NPAS2: variants seen among roughly 807,000 people sequenced by gnomAD.
NPAS2 encodes the protein neuronal PAS domain-containing protein 2.
In NPAS2, 23 loss-of-function variants were observed where a neutral mutation model predicts 107.5. The observed-to-expected ratio is 0.21, with a 90% CI of 0.15 to 0.30. The LOEUF (loss-of-function observed/expected upper bound fraction) is 0.30, where lower values mean the gene tolerates loss of function less well. Among genes scored for constraint, NPAS2 ranks in the 10% least tolerant of loss-of-function variants. The probability of loss-of-function intolerance (pLI) is 1.00; values close to 1 mark genes in which losing one functional copy is unlikely to be tolerated. For synonymous variants in NPAS2, 403 were observed against 417.5 expected (o/e 0.97, Z 0.42); for missense variants, 756 against 1,043.3 (o/e 0.72, Z 3.79).
chr2:100,826,851 A>C (rs569247796), intron 1 of NPAS2, among the ~76,000 whole-genome samples: 1 of 152,150 alleles, frequency 6.6e-6, no homozygotes, highest in Non-Finnish European at 1.5e-5. Flanking sequence ...CTAACACAAG[A>C]TATTTTCCAG....
chr2:100,904,593 G>A, intron 1 of NPAS2, 140 bp from the exon 2 acceptor site: 1 of 639,758 alleles, frequency 1.6e-6, no homozygotes. Flanking sequence ...TTTTGAGAGT[G>A]TAAAGGGGTG....
intron 2 of NPAS2, among the ~76,000 whole-genome samples, chr2:100,908,499 C>G (rs1682313162): frequency 6.6e-6 from 1 of 152,178 alleles, no homozygotes; most frequent in Non-Finnish European, 1.5e-5. Context: ...GGGCTCCTAA[C>G]AGCGTCTGTG....
rs1287858766 is a variant in NPAS2, at chr2:100,948,227, T to A, written c.364-8T>A. 2 of 1,610,882 alleles carry A rather than the reference T, an allele frequency of 1.2e-6. No homozygotes were observed. The highest frequency in any genetic ancestry group is 3.4e-5 in the Admixed American group (2 of 59,294). On this transcript the variant is annotated splice_polypyrimidine_tract_variant and splice_region_variant and intron_variant, in intron 5 of 20. Coordinates refer to ENST00000335681, the MANE Select transcript of NPAS2 (RefSeq NM_002518.4). ...GGGTGTACCTTTGTCCTTTATTTTC[T>A]TTTTCAGTCGGATGTCATGGATCAG...
intron 13 of NPAS2, 136 bp from the exon 14 acceptor site, chr2:100,975,322 C>A: frequency 1.3e-6 from 1 of 780,522 alleles, no homozygotes; most frequent in Non-Finnish European, 2.1e-6. Context: ...CAGCTCAACC[C>A]TGCATGGTGG....
At chr2:100,819,854 C>G (rs1440665585), upstream of NPAS2, among the ~76,000 whole-genome samples, 1 of 152,118 alleles carries the variant, frequency 6.6e-6, no homozygotes, top group Non-Finnish European at 1.5e-5. This position sits in a 1 kb window ranked among gnomAD's most constrained non-coding sequence, Gnocchi z 5.8. Context: ...GACCCCGCCG[C>G]GCGTCCCTGG....
Position 100,964,147 on chromosome 2 carries a change from G to A in NPAS2, c.688G>A (p.Val230Ile). The part of the protein sequence containing the change: ...LGKEVCFIAT[V>I]RLATPQFLKE... Reference sequence around the variant, plus strand: ...AAAGGAGGTTTGCTTCATTGCCACCGTTCGTCTGGCAACACCACAATTCTT... The same window carrying A: ...AAAGGAGGTTTGCTTCATTGCCACCATTCGTCTGGCAACACCACAATTCTT... Residue 230 changes from valine to isoleucine, a missense_variant, in exon 8 of 21, where the codon GTT becomes ATT. Physicochemically the swap from Val to Ile is conservative, Grantham distance 29. This residue lies in a region of NPAS2 where 84 missense variants were observed against 175.5 expected (regional missense o/e 0.48). Transcript: ENST00000335681. The A allele has an allele frequency of 3.1e-6, 5 of 1,613,202 alleles. No individual in the cohort carries two copies. The highest frequency in any genetic ancestry group is 4.2e-6 in the Non-Finnish European group (5 of 1,179,144).
intron 1 of NPAS2, among the ~76,000 whole-genome samples, chr2:100,876,595 C>T (rs1016123227): frequency 6.6e-6 from 1 of 152,190 alleles, no homozygotes; most frequent in Admixed American, 6.5e-5. Context: ...CAGTGATTCC[C>T]CGTCAGTGGT....
chr2:100,873,307 T>TATAC (rs1280164445), intron 1 of NPAS2, among the ~76,000 whole-genome samples: 39 of 41,898 alleles, frequency 9.3e-4, no homozygotes, highest in Admixed American at 3.5e-3. Context: ...TATATATATA[T>TATAC]ACACACACAC....
chr2:100,824,714 C>T (rs1421837733), intron 1 of NPAS2, among the ~76,000 whole-genome samples: 3 of 152,180 alleles, frequency 2.0e-5, no homozygotes, highest in African/African-American at 4.8e-5. Context: ...GAGGGGTCAC[C>T]TGGGTGGCCC....
chr2:100,936,691 G>A (rs1458423267), intron 4 of NPAS2, among the ~76,000 whole-genome samples: 3 of 152,134 alleles, frequency 2.0e-5, no homozygotes, highest in Non-Finnish European at 4.4e-5. Flanking sequence ...TCTAAAACCA[G>A]CAAAAGTGGC....
At chr2:100,835,480 C>A (rs570984291) in intron 1 of NPAS2, among the ~76,000 whole-genome samples, 1 of 152,132 alleles carries the variant, frequency 6.6e-6, no homozygotes, top group African/African-American at 2.4e-5. Flanking sequence ...CTCCACCCTT[C>A]GGAGGAGGAG....
intron 1 of NPAS2, among the ~76,000 whole-genome samples, chr2:100,856,047 A>G (rs1229642655): frequency 6.6e-6 from 1 of 152,104 alleles, no homozygotes; most frequent in Non-Finnish European, 1.5e-5. Flanking sequence ...ATACATTTTG[A>G]TTAGAGGGAT....
intron 1 of NPAS2, among the ~76,000 whole-genome samples, chr2:100,850,469 T>C (rs993233118): frequency 5.9e-5 from 9 of 152,070 alleles, no homozygotes; most frequent in Non-Finnish European, 2.9e-5. Flanking sequence ...GTCAATAATG[T>C]GCAAAGAAAA....
At chr2:100,958,972 C>G (rs1173324138) in intron 7 of NPAS2, among the ~76,000 whole-genome samples, 1 of 150,946 alleles carries the variant, frequency 6.6e-6, no homozygotes, top group East Asian at 2.0e-4. Flanking sequence ...CAGCAAATTG[C>G]AAAGCCAGGC....
chr2:100,980,337 G>C (rs1029384303), intron 15 of NPAS2, among the ~76,000 whole-genome samples: 2 of 152,194 alleles, frequency 1.3e-5, no homozygotes, highest in Non-Finnish European at 2.9e-5. Context: ...TAAATACTTG[G>C]AATAGCTCGT....
intron 1 of NPAS2, among the ~76,000 whole-genome samples, chr2:100,884,641 G>T (rs1680581591): frequency 6.6e-6 from 1 of 152,288 alleles, no homozygotes; most frequent in African/African-American, 2.4e-5. Context: ...CAAAATGTTT[G>T]CAAGCTTGGG....
chr2:100,865,645 T>A (rs1287371414), intron 1 of NPAS2, among the ~76,000 whole-genome samples: 1 of 152,118 alleles, frequency 6.6e-6, no homozygotes, highest in African/African-American at 2.4e-5. Context: ...TCTGACCCCA[T>A]TTCAGAGAAG....
chr2:100,875,354 C>A (rs1558829719), intron 1 of NPAS2, among the ~76,000 whole-genome samples: 1 of 152,070 alleles, frequency 6.6e-6, no homozygotes, highest in Non-Finnish European at 1.5e-5. Flanking sequence ...TGCAAATGGA[C>A]TTAATGCCAT....
At position 100,973,630 on chromosome 2, in the gene NPAS2, C is replaced by T. The variant is rs75711467; in HGVS notation, c.1141-1173C>T. On this transcript the variant is annotated intron_variant, in intron 12 of 20. Transcript: ENST00000335681. The stretch of plus-strand genomic sequence containing the variant: ...TACTGTAGGTGTACAATATCCACCC[C>T]CACTGCAGCCGTGACACAAAAGACA... Among the ~76,000 whole-genome samples, 230 of 152,294 alleles carry T rather than the reference C, an allele frequency of 1.5e-3. 1 individual carries two copies. Among genetic ancestry groups the T allele is most frequent in the African/African-American group, 5.3e-3 (221 of 41,560 alleles).
Sources: gnomAD v4.1 joint callset for allele counts (sites outside exome capture counted in the v4.1 genomes callset) on GRCh38, gnomAD v4.1.1 for gene constraint, gnomAD v4.1.1 regional missense constraint, Gnocchi (gnomAD v3.1) non-coding constraint, MANE v1.5 for transcripts, NCBI Gene and HGNC (gene_info 2026-07-23, HGNC 2026-07-21) for gene names.